The following ESRP1 variants were observed in gnomAD, a reference collection of about 807,000 sequenced individuals.
ESRP1 encodes the protein RNA-binding motif protein 35A.
A neutral mutation model predicts 81.7 loss-of-function variants in ESRP1; 33 were observed. The ratio of observed to expected loss-of-function variants is 0.40; its 90% CI spans 0.31 to 0.54. The LOEUF (loss-of-function observed/expected upper bound fraction) is 0.54, where lower values mean the gene tolerates loss of function less well. ESRP1 is among the 20% of genes least tolerant of loss of function. ESRP1 has a pLI of 0.41. For missense variants in ESRP1, 672 were observed against 833.1 expected (o/e 0.81, Z 2.38); for synonymous variants, 320 against 303.3 (o/e 1.06, Z -0.57).
chr8:94,702,261 C>G (rs950445454), intron 15 of ESRP1, among the ~76,000 whole-genome samples: 1 of 152,060 alleles, frequency 6.6e-6, no homozygotes, highest in African/African-American at 2.4e-5. Flanking sequence ...ATTGGACTGT[C>G]AGCCTTAAGC....
At chr8:94,667,027 A>G (rs1819049203) in intron 9 of ESRP1, among the ~76,000 whole-genome samples, 1 of 151,148 alleles carries the variant, frequency 6.6e-6, no homozygotes, top group Admixed American at 6.6e-5. Flanking sequence ...ATATGGTGAA[A>G]CCCCATCTCT....
At chr8:94,700,979 G>GTATGTGTGTGTA (rs1563552486) in intron 15 of ESRP1, among the ~76,000 whole-genome samples, 2 of 132,586 alleles carry the variant, frequency 1.5e-5, no homozygotes, top group Admixed American at 7.6e-5. Flanking sequence ...GTGTGTGTGT[G>GTATGTGTGTGTA]TGTGTTAAGA....
chr8:94,668,422 TACAC>T, intron 10 of ESRP1, 172 bp downstream of exon 10: 1 of 575,666 alleles, frequency 1.7e-6, no homozygotes, highest in Non-Finnish European at 2.9e-6. Flanking sequence ...TGTTATCCTG[TACAC>T]ACACACAACA....
Position 94,662,898 on chromosome 8 carries a change from C to T in ESRP1, c.644+343C>T, listed in dbSNP as rs552758004. Among the ~76,000 whole-genome samples the T allele has an allele frequency of 1.6e-4, 24 of 152,256 alleles. No individual in the cohort carries two copies. The South Asian group carries it at 5.0e-3, about 32-fold the overall frequency. The stretch of plus-strand genomic sequence containing the variant: ...CTGGGATTACAGGCGTGAGCCACCT[C>T]GCCCGGCCTTTAACTTGTTTTTGTT... On this transcript the variant is annotated intron_variant, in intron 6 of 15. Transcript: ENST00000433389.
intron 13 of ESRP1, among the ~76,000 whole-genome samples, chr8:94,689,821 T>TTTTTTTTTTTTTTC (rs1809309903): frequency 2.0e-5 from 1 of 50,920 alleles, no homozygotes; most frequent in Non-Finnish European, 4.9e-5. Flanking sequence ...CTTTTTTTTT[T>TTTTTTTTTTTTTTC]TTTTTTTTTT....
At chr8:94,649,258 G>A (rs1817996546) in intron 4 of ESRP1, among the ~76,000 whole-genome samples, 1 of 152,124 alleles carries the variant, frequency 6.6e-6, no homozygotes, top group Non-Finnish European at 1.5e-5. Context: ...TTTTGCCCTG[G>A]CTTCTCTCAA....
At chr8:94,642,183 T>G (rs1586165160) in intron 2 of ESRP1, 99 bp downstream of exon 2, 2 of 1,436,928 alleles carry the variant, frequency 1.4e-6, no homozygotes, top group Non-Finnish European at 1.9e-6. Flanking sequence ...CGGAGCAGGG[T>G]GGCGAGACGC....
At chr8:94,693,795 G>A (rs1352370377) in intron 14 of ESRP1, among the ~76,000 whole-genome samples, 8 of 152,180 alleles carry the variant, frequency 5.3e-5, no homozygotes, top group Non-Finnish European at 1.0e-4. Flanking sequence ...GCATCTGTGA[G>A]TCATGGAGGA....
intron 4 of ESRP1, among the ~76,000 whole-genome samples, chr8:94,653,191 G>A (rs1818231437): frequency 6.6e-6 from 1 of 152,048 alleles, no homozygotes; most frequent in Non-Finnish European, 1.5e-5. Flanking sequence ...AAGGTTATTA[G>A]GGTGTGTATA....
chr8:94,662,016 C>G (rs1411277564), intron 4 of ESRP1, among the ~76,000 whole-genome samples: 1 of 152,120 alleles, frequency 6.6e-6, no homozygotes, highest in Non-Finnish European at 1.5e-5. Context: ...GCTCAGTATT[C>G]ATTTGCTACA....
In ESRP1 at chr8:94,671,687, A is replaced by C; in HGVS notation, c.1452+16A>C. The C allele has an allele frequency of 6.2e-7, 1 of 1,602,608 alleles. No homozygotes were observed. On this transcript the variant is annotated intron_variant, in intron 11 of 15. Coordinates refer to ENST00000433389, the MANE Select transcript of ESRP1 (RefSeq NM_017697.4). Reference sequence around the variant, plus strand: ...GAATCACCAGGTAAGAAAGATACTTAGTGGAAAACTTATTTGCTTTTTCTC... The same window carrying C: ...GAATCACCAGGTAAGAAAGATACTTCGTGGAAAACTTATTTGCTTTTTCTC...
chr8:94,664,431 G>T (rs562847989), intron 6 of ESRP1, among the ~76,000 whole-genome samples: 6 of 152,224 alleles, frequency 3.9e-5, no homozygotes, highest in African/African-American at 1.4e-4. Context: ...GCCTTCCTCA[G>T]CTTTGATAGA....
chr8:94,683,311 C>T (rs1377735588), intron 13 of ESRP1, among the ~76,000 whole-genome samples: 1 of 152,110 alleles, frequency 6.6e-6, no homozygotes, highest in Non-Finnish European at 1.5e-5. Flanking sequence ...TGTTGTGTTA[C>T]TGTGTTCTAT....
intron 13 of ESRP1, among the ~76,000 whole-genome samples, chr8:94,687,609 T>C (rs1366872466): frequency 6.6e-6 from 1 of 152,236 alleles, no homozygotes; most frequent in Non-Finnish European, 1.5e-5. Flanking sequence ...TCTTTAATTT[T>C]ACCCATTTTC....
chr8:94,689,961 C>T (rs563813287), intron 13 of ESRP1, among the ~76,000 whole-genome samples: 6 of 151,730 alleles, frequency 4.0e-5, no homozygotes, highest in South Asian at 4.2e-4. Context: ...GGACTACAGG[C>T]GCCCACCACC....
At chr8:94,697,111 A>C in intron 15 of ESRP1, 150 bp downstream of exon 15, 1 of 590,078 alleles carries the variant, frequency 1.7e-6, no homozygotes, top group Non-Finnish European at 2.9e-6. Context: ...GACTAGAATT[A>C]AGTTTGTCAT....
chr8:94,672,983 T>C (rs547748139), intron 11 of ESRP1, among the ~76,000 whole-genome samples: 4 of 152,364 alleles, frequency 2.6e-5, no homozygotes, highest in African/African-American at 4.8e-5. Context: ...TTGGTCACTT[T>C]CATAACTGTA....
chr8:94,679,364 A>G (rs1359444970), intron 13 of ESRP1, among the ~76,000 whole-genome samples: 2 of 152,222 alleles, frequency 1.3e-5, no homozygotes, highest in African/African-American at 4.8e-5. Context: ...ATACTGTGCC[A>G]GACACGTAGC....
intron 15 of ESRP1, among the ~76,000 whole-genome samples, chr8:94,704,769 A>G (rs1234978547): frequency 1.8e-4 from 3 of 17,106 alleles, no homozygotes; most frequent in African/African-American, 3.8e-3. Context: ...TCTTTTTGAA[A>G]AAAAAAAAAA....
Sources: allele counts gnomAD v4.1 joint callset (sites outside exome capture counted in the v4.1 genomes callset), GRCh38; gene constraint gnomAD v4.1.1; transcripts MANE v1.5; gene names NCBI Gene and HGNC (gene_info 2026-07-23, HGNC 2026-07-21).